Variants in IL1RAPL1 observed in about 807,000 individuals in gnomAD.
IL1RAPL1 encodes interleukin 1 receptor accessory protein like 1, also known as interleukin-1 receptor accessory protein-like 1.
Under a neutral mutation model 48.4 loss-of-function variants are expected in IL1RAPL1, and 3 were observed. The observed-to-expected ratio is 0.06, with a 90% CI of 0.03 to 0.16. IL1RAPL1 has a LOEUF of 0.16. Ranked by LOEUF, IL1RAPL1 falls within the 10% of genes least tolerant of loss-of-function variation. The pLI, the probability that IL1RAPL1 is intolerant of heterozygous loss-of-function variation, is 1.00. For missense variants in IL1RAPL1, 349 were observed against 530.6 expected, an observed-to-expected ratio of 0.66 and a Z score of 3.36; for synonymous variants, 185 against 187.7, an observed-to-expected ratio of 0.99 and a Z score of 0.12.
chrX:29,191,900 A>G, intron 2 of IL1RAPL1, among the ~76,000 whole-genome samples: 1 of 111,591 alleles, frequency 9.0e-6, no homozygotes, highest in East Asian at 2.8e-4. Context: ...TCAGGGTCTA[A>G]GATGCGACTA....
chrX:29,285,781 T>A (rs1187080914), intron 3 of IL1RAPL1, among the ~76,000 whole-genome samples: 1 of 110,826 alleles, frequency 9.0e-6, no homozygotes, highest in South Asian at 3.8e-4. Context: ...TTGAAGGGAG[T>A]GTTGTTACAG....
intron 8 of IL1RAPL1, 87 bp from the exon 9 acceptor site, chrX:29,941,564 C>T: frequency 2.0e-6 from 2 of 993,284 alleles, no homozygotes; most frequent in Non-Finnish European, 2.9e-6. Flanking sequence ...TGATCTCATC[C>T]AGGAAAATGT....
At position 29,155,193 on chromosome X, in the gene IL1RAPL1, G is replaced by A. The variant is rs184288295; in HGVS notation, c.83-127745G>A. 3.5e-4 allele frequency among the ~76,000 whole-genome samples: 38 copies of A among 109,930 alleles called. 1 individual carries two copies. In the East Asian group the frequency reaches 0.011, roughly 31 times the overall value. ...CCACCACGCCTGGCTAATTTTTTTAGTGGAGACGGGGTTTCATCATATTGG... is the reference window on the plus strand; with the variant it reads ...CCACCACGCCTGGCTAATTTTTTTAATGGAGACGGGGTTTCATCATATTGG... On this transcript the variant is annotated intron_variant, in intron 2 of 10. Coordinates refer to ENST00000378993, the MANE Select transcript of IL1RAPL1 (RefSeq NM_014271.4).
intron 6 of IL1RAPL1, among the ~76,000 whole-genome samples, chrX:29,711,548 A>C (rs780693614): frequency 1.8e-5 from 2 of 111,655 alleles, no homozygotes; most frequent in South Asian, 7.5e-4. Flanking sequence ...TACAGATATA[A>C]ATTTGAAGAT....
At chrX:29,725,198 C>T (rs1267216070) in intron 6 of IL1RAPL1, among the ~76,000 whole-genome samples, 1 of 110,967 alleles carries the variant, frequency 9.0e-6, no homozygotes, top group African/African-American at 3.3e-5. Context: ...TATATATATT[C>T]CTTATCCAAC....
chrX:28,908,957 A>G (rs1923291057), intron 2 of IL1RAPL1, among the ~76,000 whole-genome samples: 2 of 111,706 alleles, frequency 1.8e-5, no homozygotes, highest in Admixed American at 1.9e-4. Context: ...TATCCTTGAT[A>G]CTTTTCTTGA....
intron 2 of IL1RAPL1, among the ~76,000 whole-genome samples, chrX:29,184,798 C>G (rs142817916): frequency 3.5e-3 from 389 of 112,246 alleles, no homozygotes; most frequent in East Asian, 0.025. Flanking sequence ...ACCGCACCCA[C>G]CCACATTATG....
Position 29,562,402 on chromosome X carries a change from G to A in IL1RAPL1, c.704-106028G>A, listed in dbSNP as rs181147380. On this transcript the variant is annotated intron_variant, in intron 5 of 10. Transcript: ENST00000378993. ...CTGGCATTGAAGAGAGACACTAGAA[G>A]GATGGACATTTTTGGAATGTTTAAC... Among the ~76,000 whole-genome samples the A allele has an allele frequency of 5.0e-3, 561 of 111,112 alleles. 2 individuals are homozygous for A. The highest frequency in any genetic ancestry group is 0.018 in the African/African-American group (541 of 30,549).
intron 2 of IL1RAPL1, among the ~76,000 whole-genome samples, chrX:29,261,461 A>C (rs982512961): frequency 9.0e-6 from 1 of 110,708 alleles, no homozygotes; most frequent in African/African-American, 3.3e-5. Context: ...AGACCTCCTC[A>C]ATTTAGTGAG....
chrX:29,897,568 G>GT (rs1380667895), intron 6 of IL1RAPL1, among the ~76,000 whole-genome samples: 1 of 112,071 alleles, frequency 8.9e-6, no homozygotes, highest in East Asian at 2.8e-4. Flanking sequence ...CCAAATCCCT[G>GT]TTTTTGGAGT....
intron 6 of IL1RAPL1, among the ~76,000 whole-genome samples, chrX:29,670,710 T>C (rs774312325): frequency 5.4e-5 from 6 of 112,062 alleles, no homozygotes; most frequent in Admixed American, 9.5e-5. Flanking sequence ...TTCCAAAATA[T>C]GTATTTGGAC....
chrX:29,507,457 T>G (rs1400718017), intron 5 of IL1RAPL1, among the ~76,000 whole-genome samples: 1 of 36,861 alleles, frequency 2.7e-5, no homozygotes, highest in Non-Finnish European at 5.1e-5. Context: ...CAGGCTGGAA[T>G]GCAGTGGCTC....
In IL1RAPL1 at chrX:29,501,391, T is replaced by A. The variant is rs1201185465; in HGVS notation, c.703+102083T>A. The stretch of plus-strand genomic sequence containing the variant: ...AAAAAATTCTTTGCCCAGAGCTATG[T>A]CCTGGAGCATTTCCCCAATGATTTT... On this transcript the variant is annotated intron_variant, in intron 5 of 10. Coordinates refer to ENST00000378993, the MANE Select transcript of IL1RAPL1 (RefSeq NM_014271.4). Among the ~76,000 whole-genome samples the A allele has an allele frequency of 1.5e-4, 17 of 111,805 alleles. No individual in the cohort carries two copies. The Admixed American group carries it at 1.6e-3, about 11-fold the overall frequency.
chrX:29,155,001 TTCTG>T (rs1317716189), intron 2 of IL1RAPL1, among the ~76,000 whole-genome samples: 3 of 110,115 alleles, frequency 2.7e-5, no homozygotes, highest in African/African-American at 6.6e-5. Context: ...TTTTCTTTCT[TTCTG>T]TCTTTTTTTT....
intron 6 of IL1RAPL1, among the ~76,000 whole-genome samples, chrX:29,768,764 C>A (rs1928974544): frequency 1.8e-5 from 2 of 111,564 alleles, no homozygotes; most frequent in African/African-American, 6.5e-5. Flanking sequence ...ATTTAACAGG[C>A]CCCCATACAT....
chrX:28,716,183 C>T (rs755139438), intron 1 of IL1RAPL1, among the ~76,000 whole-genome samples: 4 of 111,787 alleles, frequency 3.6e-5, no homozygotes, highest in South Asian at 3.7e-4. Context: ...AAGGAACATA[C>T]GTCAAAATAA....
intron 5 of IL1RAPL1, among the ~76,000 whole-genome samples, chrX:29,633,458 GAT>G (rs746226680): frequency 1.2e-3 from 121 of 97,018 alleles, no homozygotes; most frequent in African/African-American, 4.0e-3. Context: ...ACAATTTATC[GAT>G]ATATATATAC....
At chrX:29,867,110 T>C (rs1301766735) in intron 6 of IL1RAPL1, among the ~76,000 whole-genome samples, 4 of 110,515 alleles carry the variant, frequency 3.6e-5, no homozygotes, top group African/African-American at 1.3e-4. Flanking sequence ...GCCCATGGCC[T>C]ATTGACCACA....
At chrX:28,830,321 C>T (rs188673435) in intron 2 of IL1RAPL1, among the ~76,000 whole-genome samples, 1 of 111,865 alleles carries the variant, frequency 8.9e-6, no homozygotes, top group Non-Finnish European at 1.9e-5. Flanking sequence ...TTACTTGTTA[C>T]AGGTCTATTT....
Sources: gnomAD v4.1 joint callset for allele counts (sites outside exome capture counted in the v4.1 genomes callset) on GRCh38, gnomAD v4.1.1 for gene constraint, MANE v1.5 for transcripts, NCBI Gene and HGNC (gene_info 2026-07-23, HGNC 2026-07-21) for gene names.